MAGI1: variants seen among roughly 807,000 people sequenced by gnomAD.
MAGI1 encodes the protein membrane associated guanylate kinase, WW and PDZ domain containing 1.
In MAGI1, 58 loss-of-function variants were observed where a neutral mutation model predicts 139.9. The observed-to-expected ratio is 0.41, with a 90% confidence interval of 0.34 to 0.52. The LOEUF (loss-of-function observed/expected upper bound fraction) is 0.52, where lower values mean the gene tolerates loss of function less well. Among genes scored for constraint, MAGI1 ranks in the 20% least tolerant of loss-of-function variants. The pLI is 0.12. For missense variants in MAGI1, 1,874 were observed against 1,901.6 expected (o/e 0.99, Z 0.27); for synonymous variants, 812 against 737.9 (o/e 1.10, Z -1.63).
At chr3:65,653,193 T>C (rs1475723721) in intron 1 of MAGI1, among the ~76,000 whole-genome samples, 2 of 152,122 alleles carry the variant, frequency 1.3e-5, no homozygotes, top group African/African-American at 4.8e-5. Flanking sequence ...CCATCTTCCA[T>C]ATCTTTCACA....
At chr3:65,662,868 C>A (rs1461211806) in intron 1 of MAGI1, among the ~76,000 whole-genome samples, 1 of 152,170 alleles carries the variant, frequency 6.6e-6, no homozygotes, top group Non-Finnish European at 1.5e-5. Flanking sequence ...CAACTCCCTG[C>A]CCCTGGTAAT....
At chr3:65,990,796 T>C (rs186225557) in intron 1 of MAGI1, among the ~76,000 whole-genome samples, 2 of 152,256 alleles carry the variant, frequency 1.3e-5, no homozygotes, top group East Asian at 1.9e-4. Context: ...ATTATTTCCT[T>C]TCTAATTCTC....
At chr3:65,678,040 G>C (rs1335628225) in intron 1 of MAGI1, among the ~76,000 whole-genome samples, 1 of 152,200 alleles carries the variant, frequency 6.6e-6, no homozygotes, top group African/African-American at 2.4e-5. Flanking sequence ...GATGAAGCTG[G>C]AAGCCATCAT....
At chr3:65,381,577 T>C (rs945183704) in intron 16 of MAGI1, among the ~76,000 whole-genome samples, 3 of 152,176 alleles carry the variant, frequency 2.0e-5, no homozygotes, top group Non-Finnish European at 2.9e-5. Context: ...AGGATTAGCA[T>C]CAAATGAAGA....
chr3:65,439,423 A>C (rs185298870), intron 9 of MAGI1, among the ~76,000 whole-genome samples: 2 of 152,328 alleles, frequency 1.3e-5, no homozygotes, highest in Admixed American at 1.3e-4. Flanking sequence ...TTTTACAAAG[A>C]GCATGAATTA....
intron 2 of MAGI1, among the ~76,000 whole-genome samples, chr3:65,565,309 A>G (rs2080562842): frequency 6.6e-6 from 1 of 152,180 alleles, no homozygotes; most frequent in East Asian, 1.9e-4. Context: ...ATATTCCTTA[A>G]TGTTAATCCA....
At chr3:65,398,408 A>G (rs531794667) in intron 13 of MAGI1, among the ~76,000 whole-genome samples, 1 of 152,246 alleles carries the variant, frequency 6.6e-6, no homozygotes, top group African/African-American at 2.4e-5. Flanking sequence ...GGCTAAGGCA[A>G]GAGATTGCTT....
At chr3:65,385,205 TTACTA>T (rs1173660164) in intron 14 of MAGI1, among the ~76,000 whole-genome samples, 1 of 152,194 alleles carries the variant, frequency 6.6e-6, no homozygotes, top group African/African-American at 2.4e-5. Flanking sequence ...AAGAAAATAC[TTACTA>T]TACATGAAAT....
At chr3:65,643,561 C>A (rs1315508895) in intron 1 of MAGI1, among the ~76,000 whole-genome samples, 1 of 152,108 alleles carries the variant, frequency 6.6e-6, no homozygotes, top group Non-Finnish European at 1.5e-5. Context: ...CAAACCTCAA[C>A]ATGGTGATGA....
rs76493364 is a variant in MAGI1 at position 65,636,595 on chromosome 3, C to T, written c.314-14507G>A. 1.3e-3 allele frequency among the ~76,000 whole-genome samples: 199 copies of T among 152,228 alleles called. 1 individual carries two copies. The highest frequency in any genetic ancestry group is 4.5e-3 in the African/African-American group (187 of 41,534). On this transcript the variant is annotated intron_variant, in intron 1 of 22. Coordinates refer to ENST00000402939, the MANE Select transcript of MAGI1 (RefSeq NM_001033057.2). Reference sequence around the variant, plus strand: ...TCCCCTCTGACAGGCTCACTGGTCACGTATTAACATTGCCCTTAATGATCA... The same window carrying T: ...TCCCCTCTGACAGGCTCACTGGTCATGTATTAACATTGCCCTTAATGATCA...
At chr3:65,666,817 C>T (rs530613710) in intron 1 of MAGI1, among the ~76,000 whole-genome samples, 67 of 152,294 alleles carry the variant, frequency 4.4e-4, no homozygotes, top group African/African-American at 1.5e-3. Context: ...AGATCAATCA[C>T]GGAGACAGCT....
At position 65,727,464 on chromosome 3, in the gene MAGI1, G is replaced by C. The variant is rs13095065; in HGVS notation, c.314-105376C>G. Among the ~76,000 whole-genome samples, 1,112 of 152,168 alleles carry C rather than the reference G, an allele frequency of 7.3e-3. 9 individuals carry two copies. Among genetic ancestry groups the C allele is most frequent in the Non-Finnish European group, 0.012 (827 of 68,010 alleles). On this transcript the variant is annotated intron_variant, in intron 1 of 22. Coordinates refer to ENST00000402939, the MANE Select transcript of MAGI1 (RefSeq NM_001033057.2). ...AGGCTGGCCTTGAACTTCTGTGTTCGAGCAATCCTCCAGCCTCAGCCTCCT... is the reference window on the plus strand; with the variant it reads ...AGGCTGGCCTTGAACTTCTGTGTTCCAGCAATCCTCCAGCCTCAGCCTCCT...
At chr3:65,870,648 G>C (rs893385818) in intron 1 of MAGI1, among the ~76,000 whole-genome samples, 3 of 150,570 alleles carry the variant, frequency 2.0e-5, no homozygotes, top group African/African-American at 4.9e-5. Context: ...CAGGGTGGGG[G>C]GGGTAGGAAA....
At chr3:65,769,169 T>C (rs985957707) in intron 1 of MAGI1, among the ~76,000 whole-genome samples, 1 of 152,230 alleles carries the variant, frequency 6.6e-6, no homozygotes, top group Non-Finnish European at 1.5e-5. Context: ...GATCTGTTTT[T>C]TTCTGATGAC....
chr3:65,504,782 TGAG>T (rs1399295424), intron 2 of MAGI1, among the ~76,000 whole-genome samples: 2 of 152,140 alleles, frequency 1.3e-5, no homozygotes, highest in East Asian at 3.9e-4. Context: ...ACCAGAATAC[TGAG>T]GAGGACCAGA....
chr3:65,594,669 A>G (rs890250115), intron 2 of MAGI1, among the ~76,000 whole-genome samples: 2 of 152,212 alleles, frequency 1.3e-5, no homozygotes, highest in African/African-American at 4.8e-5. Flanking sequence ...GATTATCAAC[A>G]TAAGAAATTT....
At chr3:65,523,338 A>G (rs1001886543) in intron 2 of MAGI1, among the ~76,000 whole-genome samples, 1 of 152,028 alleles carries the variant, frequency 6.6e-6, no homozygotes, top group Non-Finnish European at 1.5e-5. Context: ...ACAGAGGGTT[A>G]CTGGAGTCAC....
chr3:65,688,042 C>G, intron 1 of MAGI1: 1 of 797,832 alleles, frequency 1.3e-6, no homozygotes, highest in East Asian at 3.1e-5. Context: ...GATCCTAGGC[C>G]TACTAAGTCA....
chr3:65,863,080 A>C (rs931763087), intron 1 of MAGI1, among the ~76,000 whole-genome samples: 3 of 152,200 alleles, frequency 2.0e-5, no homozygotes, highest in African/African-American at 7.2e-5. Flanking sequence ...GGCATTAATA[A>C]ACCTTCCCAA....
Sources: gnomAD v4.1 joint callset for allele counts (sites outside exome capture counted in the v4.1 genomes callset) on GRCh38, gnomAD v4.1.1 for gene constraint, MANE v1.5 for transcripts, NCBI Gene and HGNC (gene_info 2026-07-23, HGNC 2026-07-21) for gene names.